The following TMEM132D variants were observed in gnomAD, a reference collection of about 807,000 sequenced individuals.
TMEM132D encodes transmembrane protein 132D.
A neutral mutation model predicts 62.3 loss-of-function variants in TMEM132D; 21 were observed. The ratio of observed to expected loss-of-function variants is 0.34; its 90% CI spans 0.24 to 0.49. The LOEUF is 0.49. TMEM132D is among the 20% of genes least tolerant of loss of function. The pLI is 0.99. For missense variants in TMEM132D, 1,346 were observed against 1,402.8 expected (o/e 0.96, Z 0.65); for synonymous variants, 621 against 575.6 (o/e 1.08, Z -1.13).
At chr12:129,456,386 G>A (rs1873467786) in intron 3 of TMEM132D, among the ~76,000 whole-genome samples, 2 of 152,128 alleles carry the variant, frequency 1.3e-5, no homozygotes, top group South Asian at 4.1e-4. Flanking sequence ...ACAGATGGAA[G>A]TTGAGTCTCT....
At chr12:129,329,461 A>G (rs1351089395) in intron 4 of TMEM132D, among the ~76,000 whole-genome samples, 4 of 152,234 alleles carry the variant, frequency 2.6e-5, no homozygotes, top group African/African-American at 4.8e-5. Flanking sequence ...TGCTATGAAC[A>G]GTCAAATAAA....
At chr12:129,355,388 T>C (rs1870008939) in intron 3 of TMEM132D, among the ~76,000 whole-genome samples, 1 of 137,036 alleles carries the variant, frequency 7.3e-6, no homozygotes, top group Non-Finnish European at 1.6e-5. Flanking sequence ...CGTGGGCAAC[T>C]GGGTGCCAGC....
At chr12:129,727,959 C>T (rs1021032615) in intron 1 of TMEM132D, among the ~76,000 whole-genome samples, 1 of 152,214 alleles carries the variant, frequency 6.6e-6, no homozygotes, top group African/African-American at 2.4e-5. Flanking sequence ...CCTTTTCAAT[C>T]AGGAAATTAC....
chr12:129,574,972 C>T (rs1301464375), intron 2 of TMEM132D, among the ~76,000 whole-genome samples: 7 of 151,662 alleles, frequency 4.6e-5, no homozygotes, highest in Admixed American at 3.3e-4. Flanking sequence ...CTTGCAGAGA[C>T]GCAGCCAGAG....
intron 4 of TMEM132D, among the ~76,000 whole-genome samples, chr12:129,330,578 G>C (rs907436126): frequency 3.3e-5 from 5 of 152,184 alleles, no homozygotes; most frequent in Non-Finnish European, 7.3e-5. Flanking sequence ...GTTATCATGG[G>C]AGTGAGACTG....
chr12:129,691,992 C>T (rs1881074470), intron 2 of TMEM132D, among the ~76,000 whole-genome samples: 1 of 151,874 alleles, frequency 6.6e-6, no homozygotes, highest in African/African-American at 2.4e-5. Flanking sequence ...TCACCAGGCT[C>T]GGATGGATTC....
intron 5 of TMEM132D, among the ~76,000 whole-genome samples, chr12:129,155,352 C>T (rs1314020357): frequency 1.3e-5 from 2 of 152,206 alleles, no homozygotes; most frequent in African/African-American, 2.4e-5. Flanking sequence ...TTACCTTTAA[C>T]CACAATGTTA....
At chr12:129,807,189 G>A (rs1007657628) in intron 1 of TMEM132D, among the ~76,000 whole-genome samples, 8 of 152,174 alleles carry the variant, frequency 5.3e-5, no homozygotes, top group East Asian at 3.9e-4. Flanking sequence ...AGTCACGACC[G>A]TAATTAGCAA....
At chr12:129,595,136 C>A (rs547612085) in intron 2 of TMEM132D, among the ~76,000 whole-genome samples, 213 of 152,248 alleles carry the variant, frequency 1.4e-3, no homozygotes, top group Middle Eastern at 6.8e-3. Flanking sequence ...AGATAATATG[C>A]AAAAATTAAT....
chr12:129,598,860 T>G (rs547303422), intron 2 of TMEM132D, among the ~76,000 whole-genome samples: 19 of 152,180 alleles, frequency 1.2e-4, no homozygotes, highest in African/African-American at 4.3e-4. Flanking sequence ...TGTGGATGAG[T>G]GGGTTGATTC....
intron 1 of TMEM132D, among the ~76,000 whole-genome samples, chr12:129,757,954 G>A (rs947971326): frequency 3.3e-5 from 5 of 152,180 alleles, no homozygotes; most frequent in Non-Finnish European, 7.3e-5. Context: ...CCAGGCTGGA[G>A]TGCAATGGCA....
chr12:129,286,997 G>A lies in TMEM132D; in HGVS notation c.1299+50637C>T, dbSNP rs181375780. ...TGGGAGGTGGAGGTTGCAATGAGCT[G>A]AGATCACGCCACTGTACTCCAGCCT... On this transcript the variant is annotated intron_variant, in intron 4 of 8. Coordinates refer to ENST00000422113, the MANE Select transcript of TMEM132D (RefSeq NM_133448.3). Among the ~76,000 whole-genome samples the A allele has an allele frequency of 1.3e-3, 198 of 151,492 alleles. 1 individual carries two copies. Among genetic ancestry groups the A allele is most frequent in the African/African-American group, 4.2e-3 (174 of 41,314 alleles).
intron 1 of TMEM132D, among the ~76,000 whole-genome samples, chr12:129,768,948 A>G (rs1286437957): frequency 6.6e-6 from 1 of 152,206 alleles, no homozygotes; most frequent in Non-Finnish European, 1.5e-5. Flanking sequence ...CCAGCTAAGG[A>G]GAAAATCACA....
chr12:129,252,709 A>G (rs1880300482), intron 4 of TMEM132D, among the ~76,000 whole-genome samples: 1 of 152,206 alleles, frequency 6.6e-6, no homozygotes, highest in Admixed American at 6.5e-5. Flanking sequence ...CCAAAGGATT[A>G]TAAATCATGC....
At position 129,277,742 on chromosome 12, in the gene TMEM132D, G is replaced by T. The variant is rs756873135; in HGVS notation, c.1299+59892C>A. On this transcript the variant is annotated intron_variant, in intron 4 of 8. Transcript: ENST00000422113. This position sits in a 1 kb window ranked among gnomAD's most constrained non-coding sequence, Gnocchi z 4.2. ...TATGAAGAAAAAAACAACTTTTCCA[G>T]GAAGCCTCATAGATTCTCCGGAAGC... Among the ~76,000 whole-genome samples, 3 of 152,140 alleles carry T rather than the reference G, an allele frequency of 2.0e-5. No individual in the cohort carries two copies. The highest frequency in any genetic ancestry group is 4.4e-5 in the Non-Finnish European group (3 of 68,020).
At chr12:129,356,978 G>T (rs1870083567) in intron 3 of TMEM132D, among the ~76,000 whole-genome samples, 1 of 146,538 alleles carries the variant, frequency 6.8e-6, no homozygotes, top group Non-Finnish European at 1.5e-5. Context: ...CGGGCCTGAT[G>T]GCTCACGTCT....
At chr12:129,467,088 T>G (rs1373134422) in intron 3 of TMEM132D, among the ~76,000 whole-genome samples, 1 of 152,092 alleles carries the variant, frequency 6.6e-6, no homozygotes, top group Non-Finnish European at 1.5e-5. Context: ...AGAATAAAAT[T>G]TAAAATATGC....
At chr12:129,469,309 T>C (rs531824350) in intron 3 of TMEM132D, among the ~76,000 whole-genome samples, 1 of 152,304 alleles carries the variant, frequency 6.6e-6, no homozygotes, top group African/African-American at 2.4e-5. Context: ...TTAAAACTTA[T>C]TCATAGGATG....
chr12:129,679,777 A>T (rs964148271), intron 2 of TMEM132D, among the ~76,000 whole-genome samples: 3 of 151,516 alleles, frequency 2.0e-5, no homozygotes, highest in Admixed American at 6.6e-5. Flanking sequence ...TTTATATTTT[A>T]AAAAAAAATT....
Sources: allele counts gnomAD v4.1 joint callset (sites outside exome capture counted in the v4.1 genomes callset), GRCh38; gene constraint gnomAD v4.1.1; non-coding constraint Gnocchi (gnomAD v3.1); transcripts MANE v1.5; gene names NCBI Gene and HGNC (gene_info 2026-07-23, HGNC 2026-07-21).